ROS1: variants seen among roughly 807,000 people sequenced by gnomAD.
ROS1 encodes the protein proto-oncogene tyrosine-protein kinase ROS.
A neutral mutation model predicts 273.5 loss-of-function variants in ROS1; 263 were observed. The observed-to-expected ratio is 0.96, with a 90% CI of 0.87 to 1.06. The LOEUF (loss-of-function observed/expected upper bound fraction) is 1.06. Ranked by LOEUF, ROS1 falls within the 50% of genes least tolerant of loss-of-function variation. ROS1 has a pLI of 0.00. For missense variants in ROS1, 2,833 were observed against 2,751.1 expected, an observed-to-expected ratio of 1.03 and a Z score of -0.67; for synonymous variants, 1,008 against 954.1, an observed-to-expected ratio of 1.06 and a Z score of -1.04.
Position 117,350,191 on chromosome 6 carries a change from C to A in ROS1, c.4303+2799G>T, listed in dbSNP as rs75556690. ...AAAGCAGGTCTACTGATAACAAATT[C>A]TCTCAATTTTTGTCTGAGAATGTCT... On this transcript the variant is annotated intron_variant, in intron 27 of 43. Transcript: ENST00000368507. Among the ~76,000 whole-genome samples, 1,027 of 152,156 alleles carry A rather than the reference C, an allele frequency of 6.7e-3. 25 individuals carry two copies. The highest frequency in any genetic ancestry group is 0.066 in the East Asian group (341 of 5,186).
chr6:117,403,331 G>A (rs2128724630), intron 6 of ROS1, 54 bp from the exon 7 acceptor site: 5 of 1,548,826 alleles, frequency 3.2e-6, no homozygotes, highest in Non-Finnish European at 4.4e-6. Flanking sequence ...CCCCACATTG[G>A]GACTAAAAAG....
At chr6:117,316,199 T>C (rs1214215920) in intron 39 of ROS1, among the ~76,000 whole-genome samples, 1 of 152,080 alleles carries the variant, frequency 6.6e-6, no homozygotes, top group Non-Finnish European at 1.5e-5. Context: ...ATCCTCATCT[T>C]CCATACTGGG....
chr6:117,421,492 T>C (rs1198838392), intron 1 of ROS1, among the ~76,000 whole-genome samples: 3 of 152,100 alleles, frequency 2.0e-5, no homozygotes, highest in Admixed American at 1.3e-4. Context: ...CTACCACTTA[T>C]AAGTGAGAAC....
At chr6:117,314,056 A>G (rs1416469682) in intron 39 of ROS1, among the ~76,000 whole-genome samples, 1 of 152,014 alleles carries the variant, frequency 6.6e-6, no homozygotes, top group Non-Finnish European at 1.5e-5. Context: ...AAGTAGATCC[A>G]CTTTTTTTTT....
chr6:117,305,408 G>A (rs575712965), intron 42 of ROS1, among the ~76,000 whole-genome samples: 76 of 152,186 alleles, frequency 5.0e-4, no homozygotes, highest in African/African-American at 1.6e-3. Context: ...ACCTCCAAAA[G>A]TTCAGCCTCT....
Position 117,321,367 on chromosome 6 carries a change from T to G in ROS1, c.5651A>C (p.Lys1884Thr). 6.2e-7 allele frequency: 1 copy of G among 1,612,964 alleles called. No homozygotes were observed. The highest frequency in any genetic ancestry group is 1.3e-5 in the African/African-American group (1 of 74,984). Reference sequence around the variant, plus strand: ...CACTGTCACCCCTTCCTTGGCACTTTTTTGATTCTTTAATCTTCTATGCCA... The same window carrying G: ...CACTGTCACCCCTTCCTTGGCACTTGTTTGATTCTTTAATCTTCTATGCCA... ...FVWHRRLKNQ[K>T]SAKEGVTVLI... Residue 1884 changes from lysine (K) to threonine (T), a missense_variant, in exon 36 of 44, where the codon AAA becomes ACA. Transcript: ENST00000368507.
At chr6:117,424,708 GCAAGTTTCTT>G (rs1776011463) in intron 1 of ROS1, among the ~76,000 whole-genome samples, 1 of 152,054 alleles carries the variant, frequency 6.6e-6, no homozygotes, top group African/African-American at 2.4e-5. Flanking sequence ...GTGTATAAGT[GCAAGTTTCTT>G]TTTAATCTGC....
intron 32 of ROS1, among the ~76,000 whole-genome samples, chr6:117,332,342 A>C (rs1419330026): frequency 6.6e-6 from 1 of 152,198 alleles, no homozygotes; most frequent in African/African-American, 2.4e-5. Context: ...CAGACTCACA[A>C]AGTAAGTTCT....
intron 35 of ROS1, among the ~76,000 whole-genome samples, chr6:117,323,782 A>G (rs1486677292): frequency 6.6e-6 from 1 of 152,136 alleles, no homozygotes; most frequent in Non-Finnish European, 1.5e-5. Context: ...CTGGTCATTT[A>G]TAAATGAGCA....
At chr6:117,299,918 T>C (rs1774553401) in intron 43 of ROS1, among the ~76,000 whole-genome samples, 1 of 127,218 alleles carries the variant, frequency 7.9e-6, no homozygotes, top group African/African-American at 3.1e-5. Context: ...TCCAGAATAT[T>C]ATTATCTTTT....
Position 117,318,395 on chromosome 6 carries a change from T to C in ROS1, c.5923-143A>G, listed in dbSNP as rs566513453. On this transcript the variant is annotated intron_variant, in intron 37 of 43. Transcript: ENST00000368507. ...TCGTAGATAAAACATGTGCATGTAT[T>C]CTACAAACCCTTCAAATGTTACCTC... is the stretch of plus-strand genomic sequence containing the variant. The C allele has an allele frequency of 1.7e-5, 11 of 638,546 alleles. No homozygotes were observed. The African/African-American group carries it at 2.0e-4, about 12-fold the overall frequency. The allele number at this position is 638,546 out of a possible 1,614,324, so 39.6% of individuals were successfully genotyped here.
chr6:117,382,713 G>GAGT (rs1424671750), intron 17 of ROS1, among the ~76,000 whole-genome samples: 1 of 152,082 alleles, frequency 6.6e-6, no homozygotes, highest in African/African-American at 2.4e-5. Flanking sequence ...TTTGCAGGTT[G>GAGT]AGTAATAATA....
chr6:117,300,481 T>C (rs1353208584), intron 43 of ROS1, among the ~76,000 whole-genome samples: 3 of 151,450 alleles, frequency 2.0e-5, no homozygotes, highest in Admixed American at 6.6e-5. Context: ...AACATACAAA[T>C]GAAAAGATAC....
intron 18 of ROS1, among the ~76,000 whole-genome samples, chr6:117,370,263 A>G (rs376284129): frequency 2.0e-5 from 3 of 152,226 alleles, no homozygotes; most frequent in East Asian, 1.9e-4. Context: ...CCTCAATTGC[A>G]GAGCACTGAC....
intron 42 of ROS1, among the ~76,000 whole-genome samples, chr6:117,305,878 T>C (rs527543888): frequency 2.0e-5 from 3 of 152,224 alleles, no homozygotes; most frequent in Non-Finnish European, 2.9e-5. Flanking sequence ...TCTAAACAAA[T>C]TTGCAGGTCC....
chr6:117,317,705 T>C (rs557627648), intron 38 of ROS1, among the ~76,000 whole-genome samples: 4 of 152,248 alleles, frequency 2.6e-5, no homozygotes, highest in South Asian at 2.1e-4. Context: ...AACCTAATAA[T>C]TGGAACCCAC....
chr6:117,292,528 C>G (rs185601090), intron 43 of ROS1, among the ~76,000 whole-genome samples: 2 of 152,128 alleles, frequency 1.3e-5, no homozygotes, highest in African/African-American at 4.8e-5. Context: ...CCTCCTATAC[C>G]GGCTGCTCTC....
At position 117,288,513 on chromosome 6, in the gene ROS1, T is replaced by A. The variant is rs137863369; in HGVS notation, c.7005A>T (p.Gly2335=). The change falls in exon 44 of 44, where the codon GGA becomes GGT. Residue 2335 remains glycine, a synonymous_variant. Transcript: ENST00000368507. ...GLNYACLTHS[G]YGDGSD ...GCTATTAATCAGACCCATCTCCATA[T>A]CCACTGTGAGTGAGACAGGCATAGT... 51 of 1,613,586 alleles carry A rather than the reference T, an allele frequency of 3.2e-5. No individual in the cohort carries two copies. The African/African-American group carries it at 6.3e-4, about 20-fold the overall frequency.
At position 117,394,405 on chromosome 6, in the gene ROS1, G is replaced by T. The variant is rs1337289626; in HGVS notation, c.1007-59C>A. 6 of 1,150,418 alleles carry T rather than the reference G, an allele frequency of 5.2e-6. No individual in the cohort carries two copies. In the East Asian group the frequency reaches 1.4e-4, roughly 27 times the overall value. 71.3% of individuals were successfully genotyped at this position (1,150,418 alleles called of 1,614,324 possible). A position where few individuals can be genotyped will look rare whatever the true frequency, so the allele number is the denominator to read the frequency against. ...ATATAACAACCAGGACAAAAAACTTGTATGAATGAGAATTTATTTATTTAA... is the reference window on the plus strand; with the variant it reads ...ATATAACAACCAGGACAAAAAACTTTTATGAATGAGAATTTATTTATTTAA... On this transcript the variant is annotated intron_variant, in intron 10 of 43. Coordinates refer to ENST00000368507, the MANE Select transcript of ROS1 (RefSeq NM_001378902.1).
Sources: allele counts gnomAD v4.1 joint callset (sites outside exome capture counted in the v4.1 genomes callset), GRCh38; gene constraint gnomAD v4.1.1; transcripts MANE v1.5; gene names NCBI Gene and HGNC (gene_info 2026-07-23, HGNC 2026-07-21).